Variants in PTPRT observed in about 807,000 individuals in gnomAD.
PTPRT encodes receptor-type tyrosine-protein phosphatase T.
PTPRT carries 56 observed loss-of-function variants against 176.8 expected under a neutral mutation model. That is an observed-to-expected ratio of 0.32 (90% CI 0.26 to 0.40). The LOEUF (loss-of-function observed/expected upper bound fraction) is 0.40. Ranked by LOEUF, PTPRT falls within the 10% of genes least tolerant of loss-of-function variation. The pLI, the probability that PTPRT is intolerant of heterozygous loss-of-function variation, is 1.00. For synonymous variants in PTPRT, 783 were observed against 739.0 expected, an observed-to-expected ratio of 1.06 and a Z score of -0.96; for missense variants, 1,540 against 1,908.2, an observed-to-expected ratio of 0.81 and a Z score of 3.60.
intron 1 of PTPRT, among the ~76,000 whole-genome samples, chr20:42,886,413 T>C (rs1360176674): frequency 2.0e-5 from 3 of 152,158 alleles, no homozygotes. Flanking sequence ...TCACCTATGA[T>C]ACGGAGGGAA....
intron 1 of PTPRT, among the ~76,000 whole-genome samples, chr20:42,949,219 C>G (rs546458103): frequency 6.3e-4 from 96 of 152,356 alleles, no homozygotes; most frequent in Middle Eastern, 3.4e-3. Flanking sequence ...TATTCCTACT[C>G]TCCCTTTGCA....
intron 11 of PTPRT, among the ~76,000 whole-genome samples, chr20:42,337,690 G>A (rs1367060999): frequency 6.6e-6 from 1 of 152,060 alleles, no homozygotes; most frequent in East Asian, 1.9e-4. Context: ...AGTTGGCTGG[G>A]GACAGAGCCT....
chr20:42,341,130 T>C lies in PTPRT; in HGVS notation c.1865+9498A>G, dbSNP rs532069297. The stretch of plus-strand genomic sequence containing the variant: ...AGTTTTATTACTGACACCTTATATT[T>C]GATCATCTTATTCTCCAAATAGCAC... On this transcript the variant is annotated intron_variant, in intron 11 of 30. Transcript: ENST00000373187. Among the ~76,000 whole-genome samples the C allele has an allele frequency of 5.1e-4, 78 of 152,288 alleles. 2 individuals carry two copies. The South Asian group carries it at 0.015, about 30-fold the overall frequency.
intron 2 of PTPRT, among the ~76,000 whole-genome samples, chr20:42,875,837 G>A (rs1337262121): frequency 6.6e-6 from 1 of 152,184 alleles, no homozygotes; most frequent in Non-Finnish European, 1.5e-5. Flanking sequence ...GATGACCTGG[G>A]CAAGTCATTC....
At chr20:43,025,571 T>A (rs1451722510) in intron 1 of PTPRT, among the ~76,000 whole-genome samples, 1 of 152,238 alleles carries the variant, frequency 6.6e-6, no homozygotes, top group East Asian at 1.9e-4. Flanking sequence ...TTCTGTAGCC[T>A]CTTGCCAATG....
chr20:43,183,166 G>A (rs2015308781), intron 1 of PTPRT, among the ~76,000 whole-genome samples: 1 of 152,154 alleles, frequency 6.6e-6, no homozygotes, highest in South Asian at 2.1e-4. Flanking sequence ...TTGATGAGGG[G>A]AAAAAATGCT....
At chr20:42,864,267 G>C (rs1600490621) in intron 2 of PTPRT, among the ~76,000 whole-genome samples, 1 of 152,176 alleles carries the variant, frequency 6.6e-6, no homozygotes, top group Non-Finnish European at 1.5e-5. Context: ...CTTCAAAGAA[G>C]GCCAGTAGGC....
chr20:42,703,232 A>AGG (rs758076619), intron 6 of PTPRT, among the ~76,000 whole-genome samples: 42 of 152,256 alleles, frequency 2.8e-4, no homozygotes, highest in South Asian at 6.2e-4. Context: ...AGAGAGAGAG[A>AGG]GAGACAGAGA....
intron 1 of PTPRT, among the ~76,000 whole-genome samples, chr20:43,174,095 C>G (rs2015070140): frequency 6.6e-6 from 1 of 152,176 alleles, no homozygotes; most frequent in Admixed American, 6.5e-5. Flanking sequence ...AGGCTTTCCA[C>G]CCAGTAATTT....
intron 9 of PTPRT, among the ~76,000 whole-genome samples, chr20:42,380,351 T>A (rs1010172736): frequency 6.6e-6 from 1 of 152,110 alleles, no homozygotes. Context: ...TGGTAGGCTA[T>A]GCAGAGATCA....
intron 12 of PTPRT, among the ~76,000 whole-genome samples, chr20:42,295,445 T>A (rs1396850886): frequency 6.6e-6 from 1 of 152,164 alleles, no homozygotes; most frequent in South Asian, 2.1e-4. Context: ...TTGTCTTTCT[T>A]GAAGGATCTA....
intron 1 of PTPRT, among the ~76,000 whole-genome samples, chr20:43,181,504 C>T (rs1051495417): frequency 2.0e-5 from 3 of 152,164 alleles, no homozygotes; most frequent in South Asian, 4.1e-4. Context: ...AAAAAAGACA[C>T]GGTGACCTCA....
rs1397284099 is a variant in PTPRT at position 42,129,249 on chromosome 20, A to T, written c.2771-419T>A. ...AAAACAGCAAGTTTACCTATCTTCC[A>T]CACATGCACAAATTGCTTTTCATTT... On this transcript the variant is annotated intron_variant, in intron 18 of 30. Coordinates refer to ENST00000373187, the MANE Select transcript of PTPRT (RefSeq NM_007050.6). 2.0e-5 allele frequency among the ~76,000 whole-genome samples: 3 copies of T among 152,226 alleles called. No individual in the cohort carries two copies. The East Asian group carries it at 5.8e-4, about 29-fold the overall frequency.
intron 1 of PTPRT, among the ~76,000 whole-genome samples, chr20:43,071,361 G>T (rs552117424): frequency 6.6e-6 from 1 of 152,314 alleles, no homozygotes; most frequent in East Asian, 1.9e-4. Context: ...ATTTGTGGTT[G>T]AACAAGCTCT....
At chr20:42,313,757 C>T (rs1338023692) in intron 12 of PTPRT, among the ~76,000 whole-genome samples, 1 of 152,098 alleles carries the variant, frequency 6.6e-6, no homozygotes, top group African/African-American at 2.4e-5. Context: ...TTATGTCTTC[C>T]TGCTCAATAC....
At chr20:42,693,797 T>C (rs2075826953) in intron 6 of PTPRT, among the ~76,000 whole-genome samples, 1 of 152,130 alleles carries the variant, frequency 6.6e-6, no homozygotes. Context: ...GTAGGCAAAC[T>C]ATAATCCATA....
At chr20:43,073,494 C>CACAT (rs34527081) in intron 1 of PTPRT, among the ~76,000 whole-genome samples, 30 of 150,254 alleles carry the variant, frequency 2.0e-4, no homozygotes, top group African/African-American at 6.6e-4. Flanking sequence ...CACACACACA[C>CACAT]GTGTGCTATA....
chr20:43,188,570 G>C (rs967694646), intron 1 of PTPRT, among the ~76,000 whole-genome samples: 38 of 152,176 alleles, frequency 2.5e-4, no homozygotes, highest in African/African-American at 8.7e-4. Context: ...GTTGCTTAGC[G>C]ATCCGAAACC....
intron 9 of PTPRT, among the ~76,000 whole-genome samples, chr20:42,390,330 T>C (rs1284374199): frequency 6.6e-6 from 1 of 152,174 alleles, no homozygotes; most frequent in Non-Finnish European, 1.5e-5. Context: ...AAAATATAAA[T>C]TGATTGATTA....
Sources: gnomAD v4.1 joint callset for allele counts (sites outside exome capture counted in the v4.1 genomes callset) on GRCh38, gnomAD v4.1.1 for gene constraint, MANE v1.5 for transcripts, NCBI Gene and HGNC (gene_info 2026-07-23, HGNC 2026-07-21) for gene names.